Variants in FAM184B observed in about 807,000 individuals in gnomAD.
FAM184B encodes family with sequence similarity 184 member B, also known as protein FAM184B.
Under a neutral mutation model 135.9 loss-of-function variants are expected in FAM184B, and 111 were observed. The observed-to-expected ratio is 0.82, with a 90% confidence interval of 0.70 to 0.96. The LOEUF (loss-of-function observed/expected upper bound fraction) is 0.96, where lower values mean the gene tolerates loss of function less well. Ranked by LOEUF, FAM184B falls within the 40% of genes least tolerant of loss-of-function variation. FAM184B has a pLI of 0.00. For synonymous variants in FAM184B, 552 were observed against 524.8 expected, an observed-to-expected ratio of 1.05 and a Z score of -0.71; for missense variants, 1,375 against 1,323.9, an observed-to-expected ratio of 1.04 and a Z score of -0.60.
intron 13 of FAM184B, among the ~76,000 whole-genome samples, chr4:17,641,183 C>T (rs181752103): frequency 4.6e-5 from 7 of 152,204 alleles, no homozygotes; most frequent in Admixed American, 2.6e-4. Context: ...ATGTGCCTGC[C>T]TCAGCCTCCC....
chr4:17,778,885 A>G (rs1253485165), intron 1 of FAM184B, among the ~76,000 whole-genome samples: 2 of 152,164 alleles, frequency 1.3e-5, no homozygotes, highest in African/African-American at 2.4e-5. Context: ...AAAAGTAAAA[A>G]TAAAACTCTA....
intron 9 of FAM184B, among the ~76,000 whole-genome samples, chr4:17,659,267 G>C (rs545659962): frequency 1.3e-5 from 2 of 151,820 alleles, no homozygotes; most frequent in African/African-American, 4.8e-5. Flanking sequence ...CACCATGCCC[G>C]GTAATTTTTT....
chr4:17,703,153 T>C (rs1276659541), intron 5 of FAM184B, among the ~76,000 whole-genome samples: 7 of 152,258 alleles, frequency 4.6e-5, no homozygotes, highest in African/African-American at 9.6e-5. Context: ...TAAAGTATAG[T>C]GGTCATGAAA....
chr4:17,755,159 TA>T (rs761460339), intron 1 of FAM184B, among the ~76,000 whole-genome samples: 117 of 152,300 alleles, frequency 7.7e-4, no homozygotes, highest in Admixed American at 1.6e-3. Context: ...TTGCCCAGTC[TA>T]AAATTCTTTT....
chr4:17,765,391 CAATATTGATTAT>C (rs1302041890), intron 1 of FAM184B, among the ~76,000 whole-genome samples: 11 of 152,102 alleles, frequency 7.2e-5, no homozygotes, highest in African/African-American at 1.2e-4. Flanking sequence ...GGGGCCACTA[CAATATTGATTAT>C]AATATTGATT....
In FAM184B at chr4:17,633,907, A is replaced by C; in HGVS notation, c.2890-19T>G. Reference sequence around the variant, plus strand: ...TCTTTTTCTGTTTGTATTAATGGACAGGTTAGTGCAATGCAATGCAAAAAA... The same window carrying C: ...TCTTTTTCTGTTTGTATTAATGGACCGGTTAGTGCAATGCAATGCAAAAAA... On this transcript the variant is annotated intron_variant, in intron 16 of 17. Transcript: ENST00000265018. The C allele has an allele frequency of 2.0e-6, 3 of 1,490,118 alleles. No homozygotes were observed. Among genetic ancestry groups the C allele is most frequent in the Non-Finnish European group, 2.7e-6 (3 of 1,115,482 alleles). 92.3% of individuals were successfully genotyped at this position (1,490,118 alleles called of 1,614,324 possible). A position where few individuals can be genotyped will look rare whatever the true frequency, so the allele number is the denominator to read the frequency against.
chr4:17,653,933 G>A (rs868107146), intron 10 of FAM184B, among the ~76,000 whole-genome samples: 35 of 1,144 alleles, frequency 0.031, no homozygotes, highest in African/African-American at 0.051. Flanking sequence ...AGGGGGAGGG[G>A]GATTTGAAGC....
chr4:17,719,034 T>C (rs572223155), intron 1 of FAM184B, among the ~76,000 whole-genome samples: 2 of 152,358 alleles, frequency 1.3e-5, no homozygotes, highest in South Asian at 4.1e-4. Context: ...ACAACCCCTA[T>C]AGACACTATG....
chr4:17,748,736 T>G (rs1270222196), intron 1 of FAM184B, among the ~76,000 whole-genome samples: 1 of 152,004 alleles, frequency 6.6e-6, no homozygotes, highest in Non-Finnish European at 1.5e-5. Flanking sequence ...AGGCTTGTCT[T>G]GAATTCCCTG....
In FAM184B at chr4:17,709,458, GCTCCAGGGCGCT is replaced by G. The variant is rs1378852152; in HGVS notation, c.316_327del (p.Ser106_Glu109del). 1 of 1,533,944 alleles carries G rather than the reference GCTCCAGGGCGCT, an allele frequency of 6.5e-7. No individual in the cohort carries two copies. The highest frequency in any genetic ancestry group is 2.0e-5 in the Admixed American group (1 of 49,024). On this transcript the variant is annotated inframe_deletion, in exon 2 of 18. Transcript: ENST00000265018. ...GCCTCCTCCGTCAGCCTCTTTTGCA[GCTCCAGGGCGCT>G]CTCCAGGGCCTGGATGCGCTGTAGA...
chr4:17,749,447 C>A (rs964169733), intron 1 of FAM184B, among the ~76,000 whole-genome samples: 9 of 151,212 alleles, frequency 6.0e-5, no homozygotes, highest in Non-Finnish European at 8.8e-5. Flanking sequence ...GGAAAGGATT[C>A]TAGGAAAAAA....
At chr4:17,767,047 C>T (rs377478588) in intron 1 of FAM184B, among the ~76,000 whole-genome samples, 149 of 152,236 alleles carry the variant, frequency 9.8e-4, no homozygotes, top group African/African-American at 3.3e-3. Flanking sequence ...GCTGCTGGCC[C>T]GGGTGTTAAG....
At chr4:17,636,719 G>A (rs1715150943) in intron 14 of FAM184B, 74 bp from the exon 15 acceptor site, 9 of 1,228,238 alleles carry the variant, frequency 7.3e-6, no homozygotes, top group Non-Finnish European at 9.0e-6. Flanking sequence ...AAGTGCACAC[G>A]ATGGGAATGC....
intron 7 of FAM184B, among the ~76,000 whole-genome samples, chr4:17,666,180 G>A (rs1268639801): frequency 2.0e-5 from 3 of 152,044 alleles, no homozygotes; most frequent in African/African-American, 4.8e-5. Flanking sequence ...ACTTATTAAC[G>A]ATGTGACCTT....
At chr4:17,710,327 AAAAC>A (rs146569453) in intron 1 of FAM184B, among the ~76,000 whole-genome samples, 1 of 151,070 alleles carries the variant, frequency 6.6e-6, no homozygotes, top group African/African-American at 2.4e-5. Flanking sequence ...CTCCATCACA[AAAAC>A]AAACAAACAA....
intron 7 of FAM184B, among the ~76,000 whole-genome samples, chr4:17,681,347 G>C (rs1577258286): frequency 6.6e-6 from 1 of 152,212 alleles, no homozygotes; most frequent in Non-Finnish European, 1.5e-5. Context: ...CTTGGGCAGA[G>C]CTGGGTGGAA....
chr4:17,688,808 C>T (rs1007461305), intron 6 of FAM184B, among the ~76,000 whole-genome samples: 1 of 150,832 alleles, frequency 6.6e-6, no homozygotes, highest in Non-Finnish European at 1.5e-5. Flanking sequence ...TCTCCTGCCT[C>T]AGCCTCCTGA....
chr4:17,700,054 A>C (rs1716950343), intron 5 of FAM184B, among the ~76,000 whole-genome samples: 1 of 152,204 alleles, frequency 6.6e-6, no homozygotes, highest in African/African-American at 2.4e-5. Context: ...CTTTGCCAAA[A>C]GAGAGCATAC....
At chr4:17,705,708 GCTCT>G (rs1237614938) in intron 4 of FAM184B, 40 bp downstream of exon 4, 1 of 1,548,112 alleles carries the variant, frequency 6.5e-7, no homozygotes, top group South Asian at 1.2e-5. Flanking sequence ...AGATAGCAAA[GCTCT>G]CTGTGCCTTC....
Sources: allele counts gnomAD v4.1 joint callset (sites outside exome capture counted in the v4.1 genomes callset), GRCh38; gene constraint gnomAD v4.1.1; transcripts MANE v1.5; gene names NCBI Gene and HGNC (gene_info 2026-07-23, HGNC 2026-07-21).